COL20A1: variants seen among roughly 807,000 people sequenced by gnomAD.
COL20A1 encodes the protein collagen type XX alpha 1 chain.
In COL20A1, 164 loss-of-function variants were observed where a neutral mutation model predicts 152.9. The observed-to-expected ratio is 1.07, with a 90% CI of 0.94 to 1.22. The LOEUF is 1.22. Ranked by LOEUF, COL20A1 falls within the 50% of genes most tolerant of loss-of-function variation. The pLI, the probability that COL20A1 is intolerant of heterozygous loss-of-function variation, is 0.00. For synonymous variants in COL20A1, 864 were observed against 756.0 expected, an observed-to-expected ratio of 1.14 and a Z score of -2.34; for missense variants, 1,873 against 1,744.8, an observed-to-expected ratio of 1.07 and a Z score of -1.31.
intron 9 of COL20A1, 37 bp downstream of exon 9, chr20:63,309,534 C>T (rs747040345): frequency 2.7e-6 from 4 of 1,458,016 alleles, no homozygotes; most frequent in South Asian, 2.7e-5. Flanking sequence ...CTGCAGCCCC[C>T]CCGGCTGCTT....
chr20:63,313,954 A>T lies in COL20A1; in HGVS notation c.2358+63A>T. The T allele has an allele frequency of 6.3e-7, 1 of 1,590,090 alleles. No individual in the cohort carries two copies. The highest frequency in any genetic ancestry group is 8.6e-7 in the Non-Finnish European group (1 of 1,167,804). On this transcript the variant is annotated intron_variant, in intron 18 of 35. Transcript: ENST00000358894. The surrounding 1 kb of genome is among the most constrained non-coding windows in gnomAD (Gnocchi z 5.9). ...GGGGCCTCCTGGAAGGGGTATGGCC[A>T]CACTGTCTGCGAAGGGTGGCAGCTC...
rs1404257099 is a variant in COL20A1, at chr20:63,310,393, G to A, written c.1276G>A (p.Gly426Arg). The A allele has an allele frequency of 1.2e-6, 2 of 1,611,076 alleles. No individual in the cohort carries two copies. The highest frequency in any genetic ancestry group is 2.2e-5 in the South Asian group (2 of 90,632). ...CACTCTGTTCCAGGTGGTGGTGGAG[G>A]GACCCGCCGCCTCCACGGAGCTGCA... ...GGTPREVVVE[G>R]PAASTELHNL... Residue 426 changes from glycine to arginine, a missense_variant, in exon 11 of 36, where the codon GGA becomes AGA. Gly to Arg is a moderately radical substitution (Grantham distance 125). Transcript: ENST00000358894.
Position 63,333,966 on chromosome 20 carries a change from G to C in COL20A1, c.*3250G>C, listed in dbSNP as rs1477065465. 4 of 152,312 alleles carry C rather than the reference G, an allele frequency of 2.6e-5. No individual in the cohort carries two copies. The highest frequency in any genetic ancestry group is 4.4e-5 in the Non-Finnish European group (3 of 68,104). 9.4% of individuals were successfully genotyped at this position (152,312 alleles called of 1,614,324 possible). A position where few individuals can be genotyped will look rare whatever the true frequency, so the allele number is the denominator to read the frequency against. ...GGAAGCCAGTGTCTGTAGATTCAGT[G>C]CATTTCTTGGGGAAGGGCGTGGAAC... On this transcript the variant is annotated 3_prime_UTR_variant, in exon 36 of 36. Transcript: ENST00000358894.
intron 20 of COL20A1, among the ~76,000 whole-genome samples, chr20:63,316,107 A>G: frequency 6.6e-6 from 1 of 150,674 alleles, no homozygotes; most frequent in East Asian, 2.0e-4. Context: ...GCAAAGGGGA[A>G]CTCACTGACA....
chr20:63,324,008 C>T (rs1014729670), intron 27 of COL20A1, among the ~76,000 whole-genome samples: 1 of 152,252 alleles, frequency 6.6e-6, no homozygotes, highest in African/African-American at 2.4e-5. Context: ...CTTTTGTTCA[C>T]AGGGCCTGTT....
chr20:63,319,187 G>A lies in COL20A1; in HGVS notation c.2793G>A (p.Gly931=). 1 of 1,612,596 alleles carries A rather than the reference G, an allele frequency of 6.2e-7. No homozygotes were observed. The highest frequency in any genetic ancestry group is 1.3e-5 in the African/African-American group (1 of 74,882). ...MTAEDFQPLL[G]VLLDAGKKSL... ...CCGAGGACTTCCAGCCCCTCCTTGG[G>A]GTTCTGCTGGATGGTGACGTGGGCC... Residue 931 remains glycine, a synonymous_variant, in exon 22 of 36, where the codon GGG becomes GGA. Coordinates refer to ENST00000358894, the MANE Select transcript of COL20A1 (RefSeq NM_020882.4). This position sits in a 1 kb window ranked among gnomAD's most constrained non-coding sequence, Gnocchi z 4.4.
rs771490148 is a variant in COL20A1, at chr20:63,319,196, G to A, written c.2802G>A (p.Leu934=). 6.2e-7 allele frequency: 1 copy of A among 1,612,528 alleles called. No individual in the cohort carries two copies. The highest frequency in any genetic ancestry group is 1.3e-5 in the African/African-American group (1 of 74,978). ...EDFQPLLGVL[L]DAGKKSLTYF... is the part of the protein sequence containing the mutation. ...TCCAGCCCCTCCTTGGGGTTCTGCT[G>A]GATGGTGACGTGGGCCCCGCGTCGC... The change falls in exon 22 of 36, where the codon CTG becomes CTA. Residue 934 remains leucine, a synonymous_variant. Transcript: ENST00000358894. The surrounding 1 kb of genome is among the most constrained non-coding windows in gnomAD (Gnocchi z 4.4).
chr20:63,327,464 T>C, intron 31 of COL20A1: 1 of 185,494 alleles, frequency 5.4e-6, no homozygotes, highest in Admixed American at 5.4e-5. Context: ...GGGACAGACG[T>C]GGGAGATGGG....
Position 63,329,660 on chromosome 20 carries a change from A to C in COL20A1, c.*2A>C. ...AGCACCCAGGGCCTCTGGGAGTGAC[A>C]GGTGAGCCCCTGCTGCCTGCATCTA... On this transcript the variant is annotated splice_region_variant and 3_prime_UTR_variant, in exon 35 of 36. Coordinates refer to ENST00000358894, the MANE Select transcript of COL20A1 (RefSeq NM_020882.4). 1 of 1,582,420 alleles carries C rather than the reference A, an allele frequency of 6.3e-7. No homozygotes were observed. The highest frequency in any genetic ancestry group is 8.6e-7 in the Non-Finnish European group (1 of 1,168,766).
chr20:63,312,152 C>A, intron 14 of COL20A1, 97 bp downstream of exon 14: 1 of 1,364,892 alleles, frequency 7.3e-7, no homozygotes, highest in Non-Finnish European at 9.7e-7. Context: ...ATAACACATT[C>A]AAAACCACAG....
In COL20A1 at chr20:63,313,651, G is replaced by A; in HGVS notation, c.2210-92G>A. 7.9e-7 allele frequency: 1 copy of A among 1,258,648 alleles called. No individual in the cohort carries two copies. The allele number at this position is 1,258,648 out of a possible 1,614,324, so 78.0% of individuals were successfully genotyped here. A position where few individuals can be genotyped will look rare whatever the true frequency, so the allele number is the denominator to read the frequency against. On this transcript the variant is annotated intron_variant, in intron 17 of 35. Coordinates refer to ENST00000358894, the MANE Select transcript of COL20A1 (RefSeq NM_020882.4). This position sits in a 1 kb window ranked among gnomAD's most constrained non-coding sequence, Gnocchi z 5.9. ...TGATGTGGTGGAGGCATTACGCAGA[G>A]CAGGGTAGGGGCTGGGCAGCTGGTC... is the stretch of plus-strand genomic sequence containing the variant.
At chr20:63,308,746 G>A (rs373944338) in intron 8 of COL20A1, 40 bp downstream of exon 8, 137 of 1,522,752 alleles carry the variant, frequency 9.0e-5, no homozygotes, top group East Asian at 1.4e-4. Context: ...GAGTCTCACC[G>A]CCGGGTGGGT....
chr20:63,325,010 G>A (rs973391540), intron 27 of COL20A1: 6 of 306,570 alleles, frequency 2.0e-5, no homozygotes, highest in Non-Finnish European at 1.3e-5. Context: ...CTGGGGGTGA[G>A]GTTGGTTGGA....
intron 14 of COL20A1, 29 bp downstream of exon 14, chr20:63,312,084 G>C: frequency 6.6e-7 from 1 of 1,525,772 alleles, no homozygotes; most frequent in Non-Finnish European, 8.8e-7. Flanking sequence ...GGGGGCCCGA[G>C]TGTCTTGAGG....
In COL20A1 at chr20:63,333,958, G is replaced by A. The variant is rs2068363397; in HGVS notation, c.*3242G>A. On this transcript the variant is annotated 3_prime_UTR_variant, in exon 36 of 36. Transcript: ENST00000358894. ...ATGGTGGGGGAAGCCAGTGTCTGTA[G>A]ATTCAGTGCATTTCTTGGGGAAGGG... is the stretch of plus-strand genomic sequence containing the variant. 1 of 152,440 alleles carries A rather than the reference G, an allele frequency of 6.6e-6. No homozygotes were observed. The allele number at this position is 152,440 out of a possible 1,614,324, so 9.4% of individuals were successfully genotyped here.
In COL20A1 at chr20:63,305,932, G is replaced by T. The variant is rs376722969; in HGVS notation, c.389G>T (p.Gly130Val). ...GACAGGAGCAGCCAGAGGCCCCTCGGCTCTGGAGCCCCGGAGCCCACCCCC... is the reference window on the plus strand; with the variant it reads ...GACAGGAGCAGCCAGAGGCCCCTCGTCTCTGGAGCCCCGGAGCCCACCCCC... ...SLDRSSQRPL[G>V]SGAPEPTPSH... The change falls in exon 5 of 36, where the codon GGC (glycine) becomes GTC (valine). Residue 130 changes from glycine (G) to valine (V), a missense_variant. Gly to Val is a moderately radical substitution (Grantham distance 109). Transcript: ENST00000358894. This position sits in a 1 kb window ranked among gnomAD's most constrained non-coding sequence, Gnocchi z 4.9. 3 of 1,612,650 alleles carry T rather than the reference G, an allele frequency of 1.9e-6. No homozygotes were observed. In the South Asian group the frequency reaches 3.3e-5, roughly 18 times the overall value.
intron 3 of COL20A1, among the ~76,000 whole-genome samples, chr20:63,301,411 A>G (rs2123379084): frequency 6.6e-6 from 1 of 152,366 alleles, no homozygotes; most frequent in South Asian, 2.1e-4. Flanking sequence ...GTTGTTGGGT[A>G]GAGTTTTCTA....
rs1006210061 is a variant in COL20A1, at chr20:63,307,559, G to T, written c.566G>T (p.Ser189Ile). ...GTCTTCCTGGTGGACGGGTCCTGGAGCATTGGCCACAGTCACTTCCAGCAG... is the reference window on the plus strand; with the variant it reads ...GTCTTCCTGGTGGACGGGTCCTGGATCATTGGCCACAGTCACTTCCAGCAG... ...DMVFLVDGSWSIGHSHFQQVK... is the reference protein window; with the variant it reads ...DMVFLVDGSWIIGHSHFQQVK... Residue 189 changes from serine to isoleucine, a missense_variant, in exon 6 of 36, where the codon AGC becomes ATC. Transcript: ENST00000358894. The T allele has an allele frequency of 6.2e-7, 1 of 1,612,584 alleles. No individual in the cohort carries two copies. Among genetic ancestry groups the T allele is most frequent in the Non-Finnish European group, 8.5e-7 (1 of 1,179,756 alleles).
intron 34 of COL20A1, 105 bp downstream of exon 34, chr20:63,328,603 C>T: frequency 1.8e-6 from 2 of 1,113,814 alleles, no homozygotes; most frequent in South Asian, 3.2e-5. Flanking sequence ...ACAGCAGCTC[C>T]TGCTGGAGAT....
Sources: gnomAD v4.1 joint callset for allele counts (sites outside exome capture counted in the v4.1 genomes callset) on GRCh38, gnomAD v4.1.1 for gene constraint, Gnocchi (gnomAD v3.1) non-coding constraint, MANE v1.5 for transcripts, NCBI Gene and HGNC (gene_info 2026-07-23, HGNC 2026-07-21) for gene names.